CCDC158: variants seen among roughly 807,000 people sequenced by gnomAD.
CCDC158 encodes coiled-coil domain-containing protein 158.
In CCDC158, 116 loss-of-function variants were observed where a neutral mutation model predicts 138.6. The observed-to-expected ratio is 0.84, with a 90% CI of 0.72 to 0.98. CCDC158 has a LOEUF of 0.98. CCDC158 is among the 50% of genes least tolerant of loss of function. The probability of loss-of-function intolerance (pLI) is 0.00; values close to 1 mark genes in which losing one functional copy is unlikely to be tolerated. For missense variants in CCDC158, 1,265 were observed against 1,306.1 expected, an observed-to-expected ratio of 0.97 and a Z score of 0.48; for synonymous variants, 436 against 442.4, an observed-to-expected ratio of 0.99 and a Z score of 0.18.
At chr4:76,343,311 C>T (rs963489728) in intron 18 of CCDC158, among the ~76,000 whole-genome samples, 1 of 152,130 alleles carries the variant, frequency 6.6e-6, no homozygotes, top group African/African-American at 2.4e-5. Flanking sequence ...CATTACCTAA[C>T]CATCTACCAG....
chr4:76,404,399 A>G (rs1728651754), intron 2 of CCDC158, among the ~76,000 whole-genome samples: 1 of 152,240 alleles, frequency 6.6e-6, no homozygotes, highest in African/African-American at 2.4e-5. Flanking sequence ...ACATGAAGCC[A>G]AAGAAAACTG....
At chr4:76,409,495 A>G (rs1381197990) in intron 2 of CCDC158, among the ~76,000 whole-genome samples, 1 of 152,228 alleles carries the variant, frequency 6.6e-6, no homozygotes, top group Non-Finnish European at 1.5e-5. Flanking sequence ...CTGATTTAAA[A>G]TTATGAACAG....
chr4:76,340,965 AC>A (rs746338499), intron 18 of CCDC158, among the ~76,000 whole-genome samples: 67 of 152,204 alleles, frequency 4.4e-4, no homozygotes, highest in Admixed American at 3.8e-3. Flanking sequence ...GCAGGGTAAA[AC>A]TTGTACAGCT....
At chr4:76,405,547 G>A (rs1213797769) in intron 2 of CCDC158, among the ~76,000 whole-genome samples, 2 of 152,098 alleles carry the variant, frequency 1.3e-5, no homozygotes, top group African/African-American at 4.8e-5. Context: ...AACTGCAAGG[G>A]GACTGATGGT....
chr4:76,418,171 G>A (rs1305758003), intron 1 of CCDC158, among the ~76,000 whole-genome samples: 3 of 152,198 alleles, frequency 2.0e-5, no homozygotes, highest in Non-Finnish European at 2.9e-5. Flanking sequence ...ACTAGGAGAA[G>A]CTGGGGCTAG....
At chr4:76,381,910 T>C (rs1193165729) in intron 8 of CCDC158, among the ~76,000 whole-genome samples, 2 of 146,890 alleles carry the variant, frequency 1.4e-5, no homozygotes, top group South Asian at 2.2e-4. Flanking sequence ...CTCGATCTCC[T>C]GACCTCGTGA....
intron 23 of CCDC158, among the ~76,000 whole-genome samples, chr4:76,324,433 C>T (rs868357250): frequency 6.6e-6 from 1 of 152,082 alleles, no homozygotes; most frequent in Admixed American, 6.5e-5. Flanking sequence ...GTGATCCACC[C>T]ACCTCAGCCT....
intron 9 of CCDC158, among the ~76,000 whole-genome samples, chr4:76,374,089 G>A (rs1283905935): frequency 6.6e-6 from 1 of 152,136 alleles, no homozygotes; most frequent in East Asian, 1.9e-4. Context: ...CTGGGAGTTT[G>A]AAGCTGTAAT....
intron 18 of CCDC158, among the ~76,000 whole-genome samples, chr4:76,337,604 C>T (rs7668887): frequency 0.58 from 87,647 of 151,574 alleles, 26,335 homozygotes; most frequent in East Asian, 0.78. Context: ...TGGTAGTGCA[C>T]GCCTGTAATC....
rs187955593 is a variant in CCDC158, at chr4:76,416,970, A to G, written c.-117+3995T>C. Among the ~76,000 whole-genome samples, 265 of 152,300 alleles carry G rather than the reference A, an allele frequency of 1.7e-3. 2 individuals carry two copies. Among genetic ancestry groups the G allele is most frequent in the African/African-American group, 6.1e-3 (252 of 41,566 alleles). ...CATCCTCCAGACCCCAGAATGGTAG[A>G]TCCACCAACACCTTGCACTGTGCAC... On this transcript the variant is annotated intron_variant, in intron 1 of 24. Coordinates refer to ENST00000682701, the MANE Select transcript of CCDC158 (RefSeq NM_001394954.1).
rs1727777326 is a variant in CCDC158 at position 76,396,344 on chromosome 4, A to G, written c.213T>C (p.Pro71=). 1 of 1,613,996 alleles carries G rather than the reference A, an allele frequency of 6.2e-7. No individual in the cohort carries two copies. Among genetic ancestry groups the G allele is most frequent in the African/African-American group, 1.3e-5 (1 of 75,042 alleles). Residue 71 remains proline, a synonymous_variant, in exon 4 of 25, where the codon CCT becomes CCC. Transcript: ENST00000682701. ...LDSPRKIIPS[P]GKEHFERVLE... is the part of the protein sequence containing the mutation. ...AAACACGTTCAAAGTGTTCCTTTCCAGGAGATGGGATGATTTTTCTAGGAG... is the reference window on the plus strand; with the variant it reads ...AAACACGTTCAAAGTGTTCCTTTCCGGGAGATGGGATGATTTTTCTAGGAG...
At chr4:76,399,809 G>C (rs1728178223) in intron 3 of CCDC158, among the ~76,000 whole-genome samples, 1 of 152,186 alleles carries the variant, frequency 6.6e-6, no homozygotes, top group Admixed American at 6.5e-5. Context: ...GAGAGAAAAA[G>C]GCTGAAGATA....
intron 15 of CCDC158, among the ~76,000 whole-genome samples, chr4:76,353,867 T>C (rs1020522958): frequency 6.6e-6 from 1 of 152,154 alleles, no homozygotes; most frequent in Non-Finnish European, 1.5e-5. Context: ...AAAAGCGCCA[T>C]GGAATATGTA....
intron 23 of CCDC158, among the ~76,000 whole-genome samples, chr4:76,324,232 G>T (rs1385646578): frequency 6.7e-6 from 1 of 150,084 alleles, no homozygotes; most frequent in Non-Finnish European, 1.5e-5. Context: ...TTGTTGCCCA[G>T]GCTGGAGTGC....
chr4:76,403,635 T>G (rs950628703), intron 2 of CCDC158, among the ~76,000 whole-genome samples: 1 of 152,294 alleles, frequency 6.6e-6, no homozygotes, highest in Middle Eastern at 3.4e-3. Flanking sequence ...GTTGAAGAAC[T>G]TCTCTGATGT....
intron 18 of CCDC158, among the ~76,000 whole-genome samples, chr4:76,337,915 G>A (rs1721676193): frequency 6.6e-6 from 1 of 152,084 alleles, no homozygotes; most frequent in Admixed American, 6.6e-5. Flanking sequence ...CCCAAACCCT[G>A]GACCGGTACC....
intron 3 of CCDC158, 125 bp from the exon 4 acceptor site, chr4:76,396,611 AGC>A: frequency 1.2e-5 from 8 of 644,424 alleles, no homozygotes; most frequent in Non-Finnish European, 2.1e-5. Context: ...CCCGGGTTCA[AGC>A]AATTCTCCTG....
chr4:76,421,257 AG>A (rs1343747328), upstream of CCDC158, among the ~76,000 whole-genome samples: 2 of 150,816 alleles, frequency 1.3e-5, no homozygotes, highest in East Asian at 2.0e-4. Flanking sequence ...GGAGGGGAGG[AG>A]GGGGGTGCTC....
In CCDC158 at chr4:76,384,289, T is replaced by C. The variant is rs1180793497; in HGVS notation, c.525A>G (p.Leu175=). 1 of 1,614,186 alleles carries C rather than the reference T, an allele frequency of 6.2e-7. No homozygotes were observed. Among genetic ancestry groups the C allele is most frequent in the Middle Eastern group, 1.6e-4 (1 of 6,062 alleles). ...CCTCATGACTAAGCATCATTTTTCG[T>C]AGTTGCTCTATCTGTGTGTTGCTGT... ...LKDSNTQIEQ[L]RKMMLSHEGV... is the part of the protein sequence containing the mutation. The change falls in exon 6 of 25, where the codon CTA becomes CTG. Residue 175 remains leucine (L), a synonymous_variant. Transcript: ENST00000682701.
Sources: allele counts gnomAD v4.1 joint callset (sites outside exome capture counted in the v4.1 genomes callset), GRCh38; gene constraint gnomAD v4.1.1; transcripts MANE v1.5; gene names NCBI Gene and HGNC (gene_info 2026-07-23, HGNC 2026-07-21).